The following GNPDA2 variants were observed in gnomAD, a reference collection of about 807,000 sequenced individuals.
The protein encoded by GNPDA2 is glucosamine-6-phosphate deaminase 2.
In GNPDA2, 24 loss-of-function variants were observed where a neutral mutation model predicts 27.0. That is an observed-to-expected ratio of 0.89 (90% CI 0.64 to 1.25). The LOEUF (loss-of-function observed/expected upper bound fraction) is 1.25, where lower values mean the gene tolerates loss of function less well. Ranked by LOEUF, GNPDA2 falls within the 50% of genes most tolerant of loss-of-function variation. The pLI is 0.00. For missense variants in GNPDA2, 286 were observed against 335.1 expected (o/e 0.85, Z 1.14); for synonymous variants, 94 against 108.4 (o/e 0.87, Z 0.83).
intron 4 of GNPDA2, among the ~76,000 whole-genome samples, chr4:44,711,809 G>GCATATA (rs1553878838): frequency 9.7e-6 from 1 of 103,348 alleles, no homozygotes; most frequent in African/African-American, 3.0e-5. Flanking sequence ...TTGCAATCTA[G>GCATATA]TATATATATA....
At position 44,718,390 on chromosome 4, in the gene GNPDA2, A is replaced by G. The variant is rs1472062788; in HGVS notation, c.145T>C (p.Tyr49His). 1.5e-6 allele frequency: 2 copies of G among 1,336,870 alleles called. No individual in the cohort carries two copies. Among genetic ancestry groups the G allele is most frequent in the Non-Finnish European group, 2.1e-6 (2 of 968,158 alleles). The allele number at this position is 1,336,870 out of a possible 1,614,324, so 82.8% of individuals were successfully genotyped here. A position where few individuals can be genotyped will look rare whatever the true frequency, so the allele number is the denominator to read the frequency against. ...TTATGATATTCTATTAGTTTTTTAT[A>G]GCATCCTAAAGGTGTACTCCCTAAA... ...LPTGSTPLGC[Y>H]KKLIEYHKNG... Residue 49 changes from tyrosine (Y) to histidine (H), a missense_variant, in exon 3 of 7, where the codon TAT (tyrosine) becomes CAT (histidine). Tyr to His is a moderately conservative substitution (Grantham distance 83). Transcript: ENST00000295448.
At chr4:44,705,278 G>A (rs1716521215) in intron 6 of GNPDA2, 1 of 980,920 alleles carries the variant, frequency 1.0e-6, no homozygotes, top group African/African-American at 1.7e-5. Flanking sequence ...CATTTGAAAT[G>A]TGTTTATTTA....
intron 3 of GNPDA2, among the ~76,000 whole-genome samples, chr4:44,717,509 C>G (rs981503848): frequency 1.3e-5 from 2 of 151,776 alleles, no homozygotes; most frequent in Admixed American, 6.6e-5. Flanking sequence ...ACACTATTAT[C>G]TCATTTTGTA....
At position 44,705,484 on chromosome 4, in the gene GNPDA2, C is replaced by T. The variant is rs1395765864; in HGVS notation, c.769+2268G>A. On this transcript the variant is annotated intron_variant, in intron 6 of 6. Coordinates refer to ENST00000295448, the MANE Select transcript of GNPDA2 (RefSeq NM_138335.3). ...TTGATGCAGTGCAGCTATCCTCTCA[C>T]GAATGGTCTGTTTCAAAATTTTTCA... 11 of 985,020 alleles carry T rather than the reference C, an allele frequency of 1.1e-5. No individual in the cohort carries two copies. In the Admixed American group the frequency reaches 3.7e-4, roughly 33 times the overall value. 61.0% of individuals were successfully genotyped at this position (985,020 alleles called of 1,614,324 possible).
chr4:44,702,989 C>A lies in GNPDA2; in HGVS notation c.*92G>T. ...AAAAAATGACAATCTTCAAAATTCC[C>A]CATGTTTTGTCATATTGCATAGCTG... On this transcript the variant is annotated 3_prime_UTR_variant, in exon 7 of 7. Coordinates refer to ENST00000295448, the MANE Select transcript of GNPDA2 (RefSeq NM_138335.3). 6.4e-7 allele frequency: 1 copy of A among 1,562,568 alleles called. No homozygotes were observed. Among genetic ancestry groups the A allele is most frequent in the South Asian group, 1.2e-5 (1 of 81,862 alleles).
At chr4:44,705,485 G>T in intron 6 of GNPDA2, 1 of 985,016 alleles carries the variant, frequency 1.0e-6, no homozygotes, top group African/African-American at 1.7e-5. Flanking sequence ...ATCCTCTCAC[G>T]AATGGTCTGT....
chr4:44,722,161 G>A lies in GNPDA2; in HGVS notation c.47C>T (p.Ala16Val). 6.2e-7 allele frequency: 1 copy of A among 1,612,194 alleles called. No homozygotes were observed. The highest frequency in any genetic ancestry group is 2.2e-5 in the East Asian group (1 of 44,840). Reference protein sequence around the residue: ...LDNYDLASEWAAKYICNRIIQ... With the variant: ...LDNYDLASEWVAKYICNRIIQ... ...GATGCGATTACAGATGTATTTGGCT[G>A]CCCATTCACTAGCCAAGTCATAGTT... is the stretch of plus-strand genomic sequence containing the variant. Residue 16 changes from alanine to valine, a missense_variant, in exon 2 of 7, where the codon GCA becomes GTA. Physicochemically the swap from Ala to Val is moderately conservative, Grantham distance 64. Coordinates refer to ENST00000295448, the MANE Select transcript of GNPDA2 (RefSeq NM_138335.3).
In GNPDA2 at chr4:44,707,494, T is replaced by A. The variant is rs575380551; in HGVS notation, c.769+258A>T. 314 of 439,466 alleles carry A rather than the reference T, an allele frequency of 7.1e-4. No homozygotes were observed. The East Asian group carries it at 9.7e-3, about 14-fold the overall frequency. The allele number at this position is 439,466 out of a possible 1,614,324, so 27.2% of individuals were successfully genotyped here. A position where few individuals can be genotyped will look rare whatever the true frequency, so the allele number is the denominator to read the frequency against. ...TTGTATATTCAATATGAAAGTAAAT[T>A]ATTAAACCTTGGATTTCAAGAAAAA... On this transcript the variant is annotated intron_variant, in intron 6 of 6. Coordinates refer to ENST00000295448, the MANE Select transcript of GNPDA2 (RefSeq NM_138335.3).
At position 44,707,755 on chromosome 4, in the gene GNPDA2, T is replaced by G; in HGVS notation, c.766A>C (p.Lys256Gln). The G allele has an allele frequency of 3.1e-6, 5 of 1,611,942 alleles. No individual in the cohort carries two copies. The highest frequency in any genetic ancestry group is 4.2e-6 in the Non-Finnish European group (5 of 1,178,702). Reference sequence around the variant, plus strand: ...GCTTTTGAAATTCAGTGCTCACCTTTAAAGTATTTCACAGTTTTAACTCTT... The same window carrying G: ...GCTTTTGAAATTCAGTGCTCACCTTGAAAGTATTTCACAGTTTTAACTCTT... ...ELRVKTVKYFKGLMHVHNKLV... is the reference protein window; with the variant it reads ...ELRVKTVKYFQGLMHVHNKLV... The change falls in exon 6 of 7, where the codon AAA (lysine) becomes CAA (glutamine). Residue 256 changes from lysine (K) to glutamine (Q), a missense_variant. Lys to Gln is a moderately conservative substitution (Grantham distance 53). Transcript: ENST00000295448.
At chr4:44,725,972 C>T (rs1717987333) in intron 1 of GNPDA2, among the ~76,000 whole-genome samples, 1 of 152,160 alleles carries the variant, frequency 6.6e-6, no homozygotes, top group African/African-American at 2.4e-5. Context: ...CTTGCAGAAC[C>T]TCTGCTCTGA....
Position 44,701,927 on chromosome 4 carries a change from A to G in GNPDA2, c.*1154T>C. On this transcript the variant is annotated 3_prime_UTR_variant, in exon 7 of 7. Transcript: ENST00000295448. ...TTTTAAGAAACTACATTTTAATCAC[A>G]TAGACAAGCAGATAAGTAAGGCTTC... 1 of 984,114 alleles carries G rather than the reference A, an allele frequency of 1.0e-6. No homozygotes were observed. 61.0% of individuals were successfully genotyped at this position (984,114 alleles called of 1,614,324 possible). A position where few individuals can be genotyped will look rare whatever the true frequency, so the allele number is the denominator to read the frequency against.
intron 4 of GNPDA2, among the ~76,000 whole-genome samples, chr4:44,716,677 TTAAAG>T (rs907960824): frequency 1.3e-5 from 2 of 151,896 alleles, no homozygotes; most frequent in African/African-American, 2.4e-5. Flanking sequence ...GATGAAACAA[TTAAAG>T]TAATCTACTA....
chr4:44,703,097 A>G lies in GNPDA2; in HGVS notation c.815T>C (p.Met272Thr). Residue 272 changes from methionine (M) to threonine (T), a missense_variant, in exon 7 of 7, where the codon ATG becomes ACG. Met to Thr is a moderately conservative substitution (Grantham distance 81). Coordinates refer to ENST00000295448, the MANE Select transcript of GNPDA2 (RefSeq NM_138335.3). ...CAGTCTCCTTCAGTTTCCATCTTTC[A>G]TACTGAATAGTGGATCCACAAGTTT... is the stretch of plus-strand genomic sequence containing the variant. ...HNKLVDPLFSMKDGN is the reference protein window; with the variant it reads ...HNKLVDPLFSTKDGN 1 of 1,612,198 alleles carries G rather than the reference A, an allele frequency of 6.2e-7. No individual in the cohort carries two copies. The highest frequency in any genetic ancestry group is 8.5e-7 in the Non-Finnish European group (1 of 1,179,070).
intron 4 of GNPDA2, chr4:44,714,388 G>A: frequency 1.0e-6 from 1 of 985,350 alleles, no homozygotes; most frequent in South Asian, 4.7e-5. Flanking sequence ...ATCAGAGGAG[G>A]AATTAGAACA....
Position 44,702,947 on chromosome 4 carries a change from A to C in GNPDA2, c.*134T>G, listed in dbSNP as rs1348612651. 1.3e-6 allele frequency: 2 copies of C among 1,509,068 alleles called. No individual in the cohort carries two copies. Among genetic ancestry groups the C allele is most frequent in the East Asian group, 2.4e-5 (1 of 41,410 alleles). 93.5% of individuals were successfully genotyped at this position (1,509,068 alleles called of 1,614,324 possible). A position where few individuals can be genotyped will look rare whatever the true frequency, so the allele number is the denominator to read the frequency against. ...AAATATTCAAAATATGGAATGTTTA[A>C]CATAGAGACTCGAATGAAAAAATGA... On this transcript the variant is annotated 3_prime_UTR_variant, in exon 7 of 7. Coordinates refer to ENST00000295448, the MANE Select transcript of GNPDA2 (RefSeq NM_138335.3).
chr4:44,710,928 ACAGC>A lies in GNPDA2; in HGVS notation c.594+21_594+24del, dbSNP rs770473660. 3.0e-5 allele frequency: 46 copies of A among 1,512,542 alleles called. 2 individuals carry two copies. In the South Asian group the frequency reaches 5.9e-4, roughly 19 times the overall value. The allele number at this position is 1,512,542 out of a possible 1,614,324, so 93.7% of individuals were successfully genotyped here. ...TTAATATATTAACATGAAAAGAAAG[ACAGC>A]AAAGAATATTTAATGCTTACTTCTC... On this transcript the variant is annotated intron_variant, in intron 5 of 6. Coordinates refer to ENST00000295448, the MANE Select transcript of GNPDA2 (RefSeq NM_138335.3).
chr4:44,702,239 ATTCC>A lies in GNPDA2; in HGVS notation c.*838_*841del. ...TGCTATGGCAATGTAGTTTACAGTAATTCCTTTTATATATACTTCGTATTATTCT... is the reference window on the plus strand; with the variant it reads ...TGCTATGGCAATGTAGTTTACAGTAATTTTATATATACTTCGTATTATTCT... On this transcript the variant is annotated 3_prime_UTR_variant, in exon 7 of 7. Transcript: ENST00000295448. The A allele has an allele frequency of 4.6e-6, 3 of 655,428 alleles. No individual in the cohort carries two copies. The highest frequency in any genetic ancestry group is 5.7e-6 in the Non-Finnish European group (3 of 528,216). 40.6% of individuals were successfully genotyped at this position (655,428 alleles called of 1,614,324 possible). A position where few individuals can be genotyped will look rare whatever the true frequency, so the allele number is the denominator to read the frequency against.
intron 3 of GNPDA2, 115 bp downstream of exon 3, chr4:44,718,194 A>G (rs912373265): frequency 5.9e-5 from 27 of 458,838 alleles, no homozygotes; most frequent in African/African-American, 4.8e-4. Context: ...ATATTCATAC[A>G]TTAATATTAT....
intron 4 of GNPDA2, 113 bp downstream of exon 4, chr4:44,717,000 C>T (rs898317662): frequency 2.2e-5 from 14 of 630,682 alleles, no homozygotes; most frequent in Admixed American, 1.3e-4. Context: ...ACGCGTATTA[C>T]GGACAGCCAC....
Sources: allele counts gnomAD v4.1 joint callset (sites outside exome capture counted in the v4.1 genomes callset), GRCh38; gene constraint gnomAD v4.1.1; transcripts MANE v1.5; gene names NCBI Gene and HGNC (gene_info 2026-07-23, HGNC 2026-07-21).